OGFOD1: variants seen among roughly 807,000 people sequenced by gnomAD.
OGFOD1 encodes the protein 2-oxoglutarate and iron dependent oxygenase domain containing 1.
In OGFOD1, 54 loss-of-function variants were observed where a neutral mutation model predicts 67.7. The observed-to-expected ratio is 0.80, with a 90% CI of 0.64 to 1.00. The LOEUF (loss-of-function observed/expected upper bound fraction) is 1.00. OGFOD1 is among the 50% of genes least tolerant of loss of function. The pLI is 0.00. For missense variants in OGFOD1, 606 were observed against 646.7 expected (o/e 0.94, Z 0.68); for synonymous variants, 221 against 227.0 (o/e 0.97, Z 0.24).
intron 3 of OGFOD1, among the ~76,000 whole-genome samples, chr16:56,459,917 T>C (rs1210372866): frequency 6.6e-6 from 1 of 152,200 alleles, no homozygotes; most frequent in East Asian, 1.9e-4. Context: ...ATGGGATTTT[T>C]TTCCTAGTTT....
At chr16:56,454,540 C>T (rs1294911636) in intron 2 of OGFOD1, among the ~76,000 whole-genome samples, 1 of 148,264 alleles carries the variant, frequency 6.7e-6, no homozygotes, top group Non-Finnish European at 1.5e-5. Flanking sequence ...GAAGACACAG[C>T]CTAGTCTAGG....
At chr16:56,455,422 G>A (rs79377073) in intron 2 of OGFOD1, among the ~76,000 whole-genome samples, 2,383 of 151,786 alleles carry the variant, frequency 0.016, 70 homozygotes, top group African/African-American at 0.054. Flanking sequence ...AAGAGCCTTG[G>A]GTGATTGAAA....
intron 8 of OGFOD1, among the ~76,000 whole-genome samples, chr16:56,468,908 G>GC (rs1354642773): frequency 2.0e-5 from 3 of 152,124 alleles, no homozygotes; most frequent in African/African-American, 7.2e-5. Context: ...ACTTTTGCTG[G>GC]CATGGCACTT....
intron 7 of OGFOD1, among the ~76,000 whole-genome samples, 179 bp downstream of exon 7, chr16:56,467,472 G>A (rs1383022459): frequency 6.7e-6 from 1 of 149,228 alleles, no homozygotes; most frequent in African/African-American, 2.5e-5. Context: ...CGTCACCCAG[G>A]CTGGAGTGCA....
chr16:56,465,453 C>T (rs1225620890), intron 4 of OGFOD1, among the ~76,000 whole-genome samples: 1 of 152,176 alleles, frequency 6.6e-6, no homozygotes, highest in East Asian at 1.9e-4. Flanking sequence ...AACCTGGCTT[C>T]CATTATCTTC....
At chr16:56,474,757 G>T in intron 10 of OGFOD1, 71 bp from the exon 11 acceptor site, 2 of 1,266,596 alleles carry the variant, frequency 1.6e-6, no homozygotes, top group South Asian at 2.8e-5. Context: ...TCCTAATTAT[G>T]ATTCCCTTGC....
chr16:56,460,285 T>TTATTTC (rs1485284581), intron 3 of OGFOD1, among the ~76,000 whole-genome samples: 4 of 152,256 alleles, frequency 2.6e-5, no homozygotes, highest in Non-Finnish European at 4.4e-5. Context: ...GCTGATCTTT[T>TTATTTC]TATTTCCCAC....
intron 4 of OGFOD1, 47 bp downstream of exon 4, chr16:56,462,681 C>T (rs1189154078): frequency 1.8e-6 from 2 of 1,127,676 alleles, no homozygotes; most frequent in Non-Finnish European, 1.3e-6. Context: ...AAGGCTTTAA[C>T]TCAGCATTAA....
intron 2 of OGFOD1, chr16:56,458,296 C>A (rs900287236): frequency 8.5e-6 from 4 of 470,976 alleles, no homozygotes; most frequent in Non-Finnish European, 1.5e-5. Flanking sequence ...GTCTATCTCC[C>A]TCAATGGGCA....
chr16:56,458,410 G>A (rs1962597670), intron 2 of OGFOD1, 138 bp from the exon 3 acceptor site: 1 of 753,910 alleles, frequency 1.3e-6, no homozygotes, highest in Non-Finnish European at 2.4e-6. Flanking sequence ...GGGGCCCTGT[G>A]TTAAACCTAA....
At position 56,462,228 on chromosome 16, in the gene OGFOD1, G is replaced by C. The variant is rs971657719; in HGVS notation, c.348-306G>C. ...TTGTTATGACAAAGGCCAAACTGCT[G>C]CCATGACAGGGCATACTTTAAATTT... is the stretch of plus-strand genomic sequence containing the variant. On this transcript the variant is annotated intron_variant, in intron 3 of 12. Coordinates refer to ENST00000566157, the MANE Select transcript of OGFOD1 (RefSeq NM_018233.4). 3.3e-5 allele frequency among the ~76,000 whole-genome samples: 5 copies of C among 152,326 alleles called. No homozygotes were observed. The East Asian group carries it at 7.7e-4, about 23-fold the overall frequency.
Position 56,474,832 on chromosome 16 carries a change from A to C in OGFOD1, c.1290A>C (p.Ser430=). 1 of 1,603,972 alleles carries C rather than the reference A, an allele frequency of 6.2e-7. No individual in the cohort carries two copies. The highest frequency in any genetic ancestry group is 1.1e-5 in the South Asian group (1 of 88,484). Residue 430 remains serine, a synonymous_variant, in exon 11 of 13, where the codon TCA becomes TCC. Transcript: ENST00000566157. ...CATCTTTTTTTTTTTCCTTAGAATC[A>C]AGTGTTCCCATGTGCCAAGGGGAAC... ...EPEENETKKE[S]SVPMCQGELR... is the part of the protein sequence containing the mutation.
At chr16:56,473,861 C>T (rs1475852275) in intron 10 of OGFOD1, among the ~76,000 whole-genome samples, 6 of 151,510 alleles carry the variant, frequency 4.0e-5, no homozygotes, top group Non-Finnish European at 2.9e-5. Flanking sequence ...GGCTGGAGTA[C>T]AGTGGTGTGA....
intron 1 of OGFOD1, 41 bp from the exon 2 acceptor site, chr16:56,453,222 C>T: frequency 2.5e-6 from 4 of 1,577,882 alleles, no homozygotes; most frequent in Non-Finnish European, 3.4e-6. Flanking sequence ...GTCAAAAATA[C>T]AAAAGGAAAA....
chr16:56,475,989 A>G, intron 12 of OGFOD1, 55 bp from the exon 13 acceptor site: 1 of 1,491,064 alleles, frequency 6.7e-7, no homozygotes, highest in Non-Finnish European at 9.2e-7. Flanking sequence ...TTAATCATCC[A>G]AGATTTGAGA....
intron 10 of OGFOD1, among the ~76,000 whole-genome samples, chr16:56,473,133 T>C (rs1313554282): frequency 6.6e-6 from 1 of 152,120 alleles, no homozygotes; most frequent in Non-Finnish European, 1.5e-5. Flanking sequence ...GGTTTCACCG[T>C]GTTAGCCAGG....
chr16:56,470,162 G>C, intron 9 of OGFOD1, 80 bp downstream of exon 9: 1 of 1,289,016 alleles, frequency 7.8e-7, no homozygotes. Context: ...ATGACAAAAA[G>C]CCTAAAGGAA....
Position 56,451,780 on chromosome 16 carries a change from C to T in OGFOD1, c.154+14C>T, listed in dbSNP as rs1005066677. On this transcript the variant is annotated intron_variant, in intron 1 of 12. Transcript: ENST00000566157. ...CGTTCAGTCACGGTAACCGGGTGCT[C>T]TCAGGGAGGGGCCGCCACGCAGAGG... 9 of 1,611,434 alleles carry T rather than the reference C, an allele frequency of 5.6e-6. No individual in the cohort carries two copies. Among genetic ancestry groups the T allele is most frequent in the Non-Finnish European group, 7.6e-6 (9 of 1,179,660 alleles).
At chr16:56,461,554 T>C in intron 3 of OGFOD1, among the ~76,000 whole-genome samples, 1 of 152,248 alleles carries the variant, frequency 6.6e-6, no homozygotes. Flanking sequence ...ACCTCCAGTT[T>C]ATAACTGTTT....
Sources: gnomAD v4.1 joint callset for allele counts (sites outside exome capture counted in the v4.1 genomes callset) on GRCh38, gnomAD v4.1.1 for gene constraint, MANE v1.5 for transcripts, NCBI Gene and HGNC (gene_info 2026-07-23, HGNC 2026-07-21) for gene names.